WWC1: variants seen among roughly 807,000 people sequenced by gnomAD.
The protein encoded by WWC1 is protein KIBRA.
WWC1 carries 55 observed loss-of-function variants against 138.4 expected under a neutral mutation model. The ratio of observed to expected loss-of-function variants is 0.40; its 90% CI spans 0.32 to 0.50. The LOEUF (loss-of-function observed/expected upper bound fraction) is 0.50. WWC1 is among the 20% of genes least tolerant of loss of function. The pLI is 0.72. For synonymous variants in WWC1, 524 were observed against 564.9 expected (o/e 0.93, Z 1.03); for missense variants, 1,226 against 1,420.4 (o/e 0.86, Z 2.20).
At chr5:168,415,130 G>A (rs56138017) in intron 9 of WWC1, 11,398 of 158,348 alleles carry the variant, frequency 0.072, 501 homozygotes, top group East Asian at 0.19. Flanking sequence ...AAACTGGCAT[G>A]CTTATAGGAG....
At chr5:168,297,911 GGAATTTGCT>G (rs1216377482) in intron 1 of WWC1, among the ~76,000 whole-genome samples, 8 of 152,118 alleles carry the variant, frequency 5.3e-5, no homozygotes, top group Non-Finnish European at 4.4e-5. Flanking sequence ...TTGTGTCATA[GGAATTTGCT>G]GTATGTCAAA....
intron 1 of WWC1, among the ~76,000 whole-genome samples, chr5:168,341,412 C>T (rs1018446775): frequency 6.6e-6 from 1 of 152,066 alleles, no homozygotes; most frequent in Non-Finnish European, 1.5e-5. Context: ...ACTCAGCACC[C>T]CATAGGCACA....
intron 1 of WWC1, among the ~76,000 whole-genome samples, chr5:168,322,116 T>G (rs1772163876): frequency 1.3e-5 from 2 of 152,206 alleles, no homozygotes; most frequent in African/African-American, 4.8e-5. Context: ...CAGTGGAGTT[T>G]TCTGTAGGCA....
intron 3 of WWC1, among the ~76,000 whole-genome samples, chr5:168,386,528 G>A (rs1778062421): frequency 6.6e-6 from 1 of 151,868 alleles, no homozygotes; most frequent in Non-Finnish European, 1.5e-5. Flanking sequence ...GAGTAGCTGG[G>A]ACTACAGGCG....
intron 2 of WWC1, among the ~76,000 whole-genome samples, chr5:168,373,560 A>G (rs559109246): frequency 6.6e-6 from 1 of 151,992 alleles, no homozygotes; most frequent in Admixed American, 6.6e-5. Context: ...CTGTGTGTGC[A>G]TTGTTCATGG....
chr5:168,364,623 C>A (rs541437565), intron 1 of WWC1, among the ~76,000 whole-genome samples: 1 of 152,272 alleles, frequency 6.6e-6, no homozygotes, highest in South Asian at 2.1e-4. Flanking sequence ...GAGTGCCATA[C>A]TCACTTGATA....
chr5:168,332,739 C>T (rs1399829792), intron 1 of WWC1, among the ~76,000 whole-genome samples: 5 of 151,310 alleles, frequency 3.3e-5, no homozygotes, highest in Non-Finnish European at 5.9e-5. Flanking sequence ...GACAGGGTCT[C>T]ACTCTGCCGC....
chr5:168,320,098 G>C, intron 1 of WWC1, among the ~76,000 whole-genome samples: 1 of 150,594 alleles, frequency 6.6e-6, no homozygotes, highest in East Asian at 1.9e-4. Context: ...GCACTAGCAC[G>C]ATCTCAGCTC....
At chr5:168,369,385 T>G (rs906926124) in intron 1 of WWC1, among the ~76,000 whole-genome samples, 14 of 152,234 alleles carry the variant, frequency 9.2e-5, no homozygotes, top group African/African-American at 2.9e-4. Context: ...CCTTATTTGT[T>G]TTGTTGTTGT....
intron 1 of WWC1, among the ~76,000 whole-genome samples, chr5:168,328,880 A>G (rs1772795493): frequency 6.6e-6 from 1 of 151,860 alleles, no homozygotes; most frequent in Admixed American, 6.6e-5. Context: ...TACTTGCATG[A>G]CCTCGGTGTC....
chr5:168,408,770 GGGCT>G, intron 7 of WWC1, 117 bp downstream of exon 7: 1 of 1,408,674 alleles, frequency 7.1e-7, no homozygotes, highest in Non-Finnish European at 9.7e-7. Context: ...GTTCTCTGCA[GGGCT>G]GGCTGCTGCC....
intron 1 of WWC1, among the ~76,000 whole-genome samples, chr5:168,305,516 T>A (rs1308796749): frequency 6.6e-6 from 1 of 152,210 alleles, no homozygotes; most frequent in African/African-American, 2.4e-5. Context: ...GTGGCTGGCA[T>A]GCAGTAGAAG....
intron 16 of WWC1, among the ~76,000 whole-genome samples, chr5:168,442,786 A>G (rs1184890184): frequency 6.6e-6 from 1 of 151,504 alleles, no homozygotes; most frequent in East Asian, 1.9e-4. Flanking sequence ...GCAGTGAGCC[A>G]AGATTACACT....
rs752595864 is a variant in WWC1, at chr5:168,422,011, A to G, written c.1188A>G (p.Leu396=). The change falls in exon 10 of 23, where the codon TTA becomes TTG. Residue 396 remains leucine (L), a synonymous_variant. Transcript: ENST00000265293. ...DTQSKALTER[L]KLNSKRNQLV... ...CGCATGCTTTCTCTCCTTCCAGGTT[A>G]AAGTTAAACAGTAAGAGGAACCAGC... 3.0e-5 allele frequency: 49 copies of G among 1,610,468 alleles called. No homozygotes were observed. Among genetic ancestry groups the G allele is most frequent in the Non-Finnish European group, 3.7e-5 (44 of 1,177,926 alleles).
intron 1 of WWC1, among the ~76,000 whole-genome samples, chr5:168,318,674 C>A (rs907100654): frequency 6.6e-6 from 1 of 151,952 alleles, no homozygotes; most frequent in African/African-American, 2.4e-5. Context: ...ATTCTCCTGC[C>A]TCAGCCTCCC....
chr5:168,340,675 T>C (rs1773969276), intron 1 of WWC1, among the ~76,000 whole-genome samples: 1 of 152,230 alleles, frequency 6.6e-6, no homozygotes, highest in Non-Finnish European at 1.5e-5. Context: ...TTCATTGCTT[T>C]TCATTGCCAA....
At chr5:168,440,322 A>G (rs1033645315) in intron 15 of WWC1, among the ~76,000 whole-genome samples, 3 of 152,218 alleles carry the variant, frequency 2.0e-5, no homozygotes, top group African/African-American at 7.2e-5. Context: ...GTTGGTGAAG[A>G]TGTAGAGAAA....
chr5:168,320,328 C>G (rs1341002049), intron 1 of WWC1, among the ~76,000 whole-genome samples: 5 of 152,184 alleles, frequency 3.3e-5, no homozygotes, highest in African/African-American at 1.2e-4. Context: ...AACCACTGAA[C>G]CTGGCCCATA....
intron 1 of WWC1, among the ~76,000 whole-genome samples, chr5:168,319,240 T>C (rs1561603912): frequency 6.6e-6 from 1 of 152,024 alleles, no homozygotes; most frequent in East Asian, 2.0e-4. Flanking sequence ...GCCAACATGG[T>C]GAAACCCCAT....
Sources: gnomAD v4.1 joint callset for allele counts (sites outside exome capture counted in the v4.1 genomes callset) on GRCh38, gnomAD v4.1.1 for gene constraint, MANE v1.5 for transcripts, NCBI Gene and HGNC (gene_info 2026-07-23, HGNC 2026-07-21) for gene names.